CSMD3: variants seen among roughly 807,000 people sequenced by gnomAD.
CSMD3 encodes CUB and sushi domain-containing protein 3.
Under a neutral mutation model 435.2 loss-of-function variants are expected in CSMD3, and 177 were observed. The observed-to-expected ratio is 0.41, with a 90% CI of 0.36 to 0.46. The LOEUF is 0.46. CSMD3 is among the 20% of genes least tolerant of loss of function. The pLI, the probability that CSMD3 is intolerant of heterozygous loss-of-function variation, is 0.34. For synonymous variants in CSMD3, 1,656 were observed against 1,520.5 expected (o/e 1.09, Z -2.07); for missense variants, 4,265 against 4,504.6 (o/e 0.95, Z 1.52).
intron 5 of CSMD3, among the ~76,000 whole-genome samples, chr8:113,041,023 G>C (rs537477763): frequency 1.3e-5 from 2 of 151,930 alleles, no homozygotes; most frequent in Non-Finnish European, 2.9e-5. Context: ...GGTCAACATA[G>C]TGAAACCCGG....
chr8:112,722,073 T>C (rs1053117805), intron 13 of CSMD3, among the ~76,000 whole-genome samples: 6 of 151,660 alleles, frequency 4.0e-5, no homozygotes, highest in African/African-American at 1.5e-4. Flanking sequence ...AATCCATACA[T>C]AAGGCTGTGT....
At chr8:112,497,079 AC>A (rs1202435944) in intron 30 of CSMD3, among the ~76,000 whole-genome samples, 1 of 152,122 alleles carries the variant, frequency 6.6e-6, no homozygotes, top group Non-Finnish European at 1.5e-5. Context: ...AAATGTATAT[AC>A]CTACTATGTA....
chr8:112,790,408 C>T (rs1414343528), intron 13 of CSMD3, among the ~76,000 whole-genome samples: 1 of 151,204 alleles, frequency 6.6e-6, no homozygotes, highest in Non-Finnish European at 1.5e-5. Context: ...AAAGATGTTT[C>T]CAGTTTCAAA....
chr8:112,397,712 C>T (rs1378654617), intron 35 of CSMD3, among the ~76,000 whole-genome samples: 1 of 152,038 alleles, frequency 6.6e-6, no homozygotes, highest in Non-Finnish European at 1.5e-5. Flanking sequence ...AGAGCTCTGC[C>T]CTCATAACTA....
At chr8:113,201,426 C>T (rs2092714844) in intron 3 of CSMD3, among the ~76,000 whole-genome samples, 1 of 152,036 alleles carries the variant, frequency 6.6e-6, no homozygotes, top group Middle Eastern at 3.4e-3. Flanking sequence ...TCTTCCACTC[C>T]TTATGTGAGT....
chr8:112,903,037 C>A (rs1439407846), intron 10 of CSMD3, among the ~76,000 whole-genome samples: 1 of 149,212 alleles, frequency 6.7e-6, no homozygotes, highest in African/African-American at 2.5e-5. Context: ...AGGCATATAT[C>A]AGCCTATTTT....
chr8:112,489,523 A>C (rs1016159952), intron 31 of CSMD3, among the ~76,000 whole-genome samples: 2 of 152,224 alleles, frequency 1.3e-5, no homozygotes, highest in African/African-American at 4.8e-5. Flanking sequence ...ATTGATTAAG[A>C]AACAAAAATA....
chr8:112,370,106 G>C (rs1828244519), intron 38 of CSMD3, among the ~76,000 whole-genome samples: 1 of 146,832 alleles, frequency 6.8e-6, no homozygotes, highest in African/African-American at 2.6e-5. Flanking sequence ...GTAGTAGTCA[G>C]GTATTTGTAT....
intron 18 of CSMD3, among the ~76,000 whole-genome samples, chr8:112,650,892 A>G (rs568966040): frequency 5.3e-5 from 8 of 152,306 alleles, no homozygotes; most frequent in South Asian, 2.1e-4. Context: ...GCAATTTACA[A>G]TCCCTAGCTG....
chr8:112,432,909 GAAAAAA>G (rs11300101), intron 32 of CSMD3, among the ~76,000 whole-genome samples: 3 of 145,514 alleles, frequency 2.1e-5, no homozygotes, highest in Admixed American at 1.4e-4. Flanking sequence ...GGCTCCACTG[GAAAAAA>G]AAAAAAAAAG....
At chr8:112,864,228 T>TTTTTTG (rs2080910784) in intron 10 of CSMD3, among the ~76,000 whole-genome samples, 1 of 150,858 alleles carries the variant, frequency 6.6e-6, no homozygotes, top group African/African-American at 2.4e-5. Context: ...TTTCTTTCTT[T>TTTTTTG]TTTTTGTTTT....
At chr8:112,245,049 T>C (rs1814586964) in intron 64 of CSMD3, among the ~76,000 whole-genome samples, 1 of 152,038 alleles carries the variant, frequency 6.6e-6, no homozygotes, top group Admixed American at 6.5e-5. Context: ...ATCTATTTTC[T>C]ATTGTTAAAT....
chr8:112,650,701 T>C (rs57870870), intron 18 of CSMD3, among the ~76,000 whole-genome samples: 2,260 of 152,276 alleles, frequency 0.015, 52 homozygotes, highest in African/African-American at 0.051. Flanking sequence ...CTAAATATTA[T>C]ACAAAATTTT....
chr8:112,692,451 T>C (rs1481970346), intron 13 of CSMD3, among the ~76,000 whole-genome samples: 3 of 152,138 alleles, frequency 2.0e-5, no homozygotes, highest in Non-Finnish European at 2.9e-5. Flanking sequence ...TCAGTATATG[T>C]ATATCGAGGT....
chr8:112,342,088 T>C (rs1319159421), intron 41 of CSMD3, among the ~76,000 whole-genome samples: 2 of 152,152 alleles, frequency 1.3e-5, no homozygotes, highest in East Asian at 3.8e-4. Context: ...ATTGCAAATT[T>C]GTAATATAGA....
Position 112,224,015 on chromosome 8 carries a change from A to G in CSMD3, c.*756T>C, listed in dbSNP as rs938868879. 3.9e-5 allele frequency: 6 copies of G among 152,182 alleles called. No homozygotes were observed. The highest frequency in any genetic ancestry group is 1.4e-4 in the African/African-American group (6 of 41,444). The allele number at this position is 152,182 out of a possible 1,614,324, so 9.4% of individuals were successfully genotyped here. On this transcript the variant is annotated 3_prime_UTR_variant, in exon 71 of 71. Transcript: ENST00000297405. ...TAATAAAAATAAATAGGAAAAAACC[A>G]TATTGAAGCAAGGAGTGAAACACTA...
At chr8:112,725,957 T>C (rs1169797565) in intron 13 of CSMD3, among the ~76,000 whole-genome samples, 2 of 151,886 alleles carry the variant, frequency 1.3e-5, no homozygotes, top group African/African-American at 2.4e-5. Context: ...AGGAAAGAGG[T>C]TTAATTGATT....
intron 1 of CSMD3, among the ~76,000 whole-genome samples, chr8:113,361,084 A>C (rs2094272487): frequency 1.3e-5 from 2 of 152,170 alleles, no homozygotes. Context: ...CTTTAAGTAA[A>C]GATTATGTAA....
At chr8:112,324,937 T>C (rs948239680) in intron 45 of CSMD3, among the ~76,000 whole-genome samples, 6 of 152,088 alleles carry the variant, frequency 3.9e-5, no homozygotes, top group South Asian at 2.1e-4. Flanking sequence ...CTTCTTAGTG[T>C]CCCCAAATGA....
Sources: gnomAD v4.1 joint callset for allele counts (sites outside exome capture counted in the v4.1 genomes callset) on GRCh38, gnomAD v4.1.1 for gene constraint, MANE v1.5 for transcripts, NCBI Gene and HGNC (gene_info 2026-07-23, HGNC 2026-07-21) for gene names.